The following PCDHA4 variants were observed in gnomAD, a reference collection of about 807,000 sequenced individuals.
PCDHA4 encodes protocadherin alpha 4, also known as protocadherin alpha-4.
PCDHA4 carries 49 observed loss-of-function variants against 61.4 expected under a neutral mutation model. The observed-to-expected ratio is 0.80, with a 90% CI of 0.63 to 1.01. The LOEUF is 1.01. Ranked by LOEUF, PCDHA4 falls within the 50% of genes least tolerant of loss-of-function variation. The probability of loss-of-function intolerance (pLI) is 0.00; values close to 1 mark genes in which losing one functional copy is unlikely to be tolerated. For missense variants in PCDHA4, 1,254 were observed against 1,235.8 expected, an observed-to-expected ratio of 1.01 and a Z score of -0.22; for synonymous variants, 590 against 550.3, an observed-to-expected ratio of 1.07 and a Z score of -1.01.
At chr5:140,967,669 G>C in intron 1 of PCDHA4, 9 of 1,614,126 alleles carry the variant, frequency 5.6e-6, no homozygotes, top group Non-Finnish European at 7.6e-6. Flanking sequence ...GCTACACGTC[G>C]GACCGGGAGA....
chr5:140,875,525 T>C, intron 1 of PCDHA4: 1 of 1,614,132 alleles, frequency 6.2e-7, no homozygotes, highest in Non-Finnish European at 8.5e-7. Flanking sequence ...CTGCTCTCGC[T>C]TCTGCTCCTT....
In PCDHA4 at chr5:140,807,544, G is replaced by A. The variant is rs1763960180; in HGVS notation, c.357G>A (p.Val119=). ...IVDRPLQVFH[V]DVEVRDINDN... ...ACAGGCCGCTGCAGGTTTTCCATGT[G>A]GACGTGGAGGTGAGGGACATTAACG... The change falls in exon 1 of 4, where the codon GTG becomes GTA. Residue 119 remains valine, a synonymous_variant. Transcript: ENST00000530339. 1 of 1,614,168 alleles carries A rather than the reference G, an allele frequency of 6.2e-7. No homozygotes were observed. Among genetic ancestry groups the A allele is most frequent in the Admixed American group, 1.7e-5 (1 of 60,028 alleles).
intron 1 of PCDHA4, among the ~76,000 whole-genome samples, chr5:140,945,224 T>G (rs1563213002): frequency 6.6e-6 from 1 of 152,016 alleles, no homozygotes; most frequent in Admixed American, 6.6e-5. Flanking sequence ...ATAAAAATAC[T>G]TAGGAATAAA....
At chr5:140,912,200 T>C (rs191284675) in intron 1 of PCDHA4, among the ~76,000 whole-genome samples, 123 of 152,280 alleles carry the variant, frequency 8.1e-4, no homozygotes, top group African/African-American at 2.8e-3. Flanking sequence ...CCCACCCAGA[T>C]TGAGGGTAGA....
intron 3 of PCDHA4, among the ~76,000 whole-genome samples, chr5:141,000,412 TATATA>T (rs2097919858): frequency 7.8e-5 from 8 of 102,770 alleles, no homozygotes; most frequent in African/African-American, 2.3e-4. Flanking sequence ...TATATATATA[TATATA>T]TATATTTTTT....
At chr5:140,830,188 C>A (rs2150182568) in intron 1 of PCDHA4, 2 of 1,613,672 alleles carry the variant, frequency 1.2e-6, no homozygotes, top group Non-Finnish European at 1.7e-6. Context: ...TCAACGTGTA[C>A]CTGATCATCG....
intron 3 of PCDHA4, among the ~76,000 whole-genome samples, chr5:140,985,009 C>T (rs567801905): frequency 9.3e-4 from 141 of 152,162 alleles, no homozygotes; most frequent in African/African-American, 3.3e-3. Flanking sequence ...ACGATATCGG[C>T]TCACAGCAAC....
chr5:140,830,327 G>C (rs2150185000), intron 1 of PCDHA4: 1 of 1,614,032 alleles, frequency 6.2e-7, no homozygotes, highest in Non-Finnish European at 8.5e-7. Flanking sequence ...CAGCGCAGTG[G>C]GGAGCTGGTC....
chr5:140,956,186 T>C (rs1305769419), intron 1 of PCDHA4, among the ~76,000 whole-genome samples: 1 of 152,204 alleles, frequency 6.6e-6, no homozygotes, highest in Non-Finnish European at 1.5e-5. Context: ...AATACTATGC[T>C]GAATAGGAGT....
At chr5:140,969,037 C>A (rs1554231375) in intron 1 of PCDHA4, 6 of 1,614,158 alleles carry the variant, frequency 3.7e-6, no homozygotes, top group Non-Finnish European at 5.1e-6. Flanking sequence ...CAGAACTGTA[C>A]AAACAAGCCA....
At chr5:140,888,544 C>T (rs1295573540) in intron 1 of PCDHA4, among the ~76,000 whole-genome samples, 1 of 152,140 alleles carries the variant, frequency 6.6e-6, no homozygotes, top group Non-Finnish European at 1.5e-5. Flanking sequence ...TGCTCAGTAC[C>T]AATTTATTCC....
chr5:140,811,002 TTTC>T (rs1554125632), intron 1 of PCDHA4: 1 of 152,192 alleles, frequency 6.6e-6, no homozygotes, highest in African/African-American at 2.4e-5. Context: ...TTTATTTTTA[TTTC>T]TTCTTATTAT....
intron 1 of PCDHA4, chr5:140,859,549 C>A (rs958434264): frequency 5.0e-5 from 9 of 181,676 alleles, no homozygotes; most frequent in Non-Finnish European, 9.0e-5. Context: ...CTAGTGTTAC[C>A]AAACACCAAT....
intron 1 of PCDHA4, chr5:140,870,486 G>C (rs1318169830): frequency 5.0e-6 from 8 of 1,614,136 alleles, no homozygotes; most frequent in South Asian, 1.1e-5. Context: ...AGTACACCGT[G>C]TTCGTGAAGG....
intron 1 of PCDHA4, among the ~76,000 whole-genome samples, chr5:140,889,476 C>G (rs2062241146): frequency 6.6e-6 from 1 of 152,054 alleles, no homozygotes; most frequent in South Asian, 2.1e-4. Flanking sequence ...TATGCTCATA[C>G]TTTCTACAGA....
intron 1 of PCDHA4, among the ~76,000 whole-genome samples, chr5:140,951,653 C>T (rs2094610729): frequency 6.6e-6 from 1 of 152,176 alleles, no homozygotes; most frequent in South Asian, 2.1e-4. Context: ...TCACCTCCCA[C>T]CAGGGCCTGC....
chr5:140,809,587 TC>T lies in PCDHA4; in HGVS notation c.2385+17del, dbSNP rs782699419. The T allele has an allele frequency of 5.2e-6, 8 of 1,541,010 alleles. No homozygotes were observed. The African/African-American group carries it at 1.1e-4, about 21-fold the overall frequency. ...CCTTTGCAAAGGTTAGTGTATAACA[TC>T]CTTTTGTTTAATTTTCGTATTGTTT... On this transcript the variant is annotated intron_variant, in intron 1 of 3. Coordinates refer to ENST00000530339, the MANE Select transcript of PCDHA4 (RefSeq NM_018907.4).
intron 1 of PCDHA4, chr5:140,834,797 GA>G (rs2150227028): frequency 1.2e-6 from 2 of 1,613,022 alleles, no homozygotes; most frequent in South Asian, 2.2e-5. Flanking sequence ...CGACACAAAG[GA>G]ATCTGTTCAT....
chr5:140,815,351 T>A (rs2126663631), intron 1 of PCDHA4: 1 of 152,224 alleles, frequency 6.6e-6, no homozygotes, highest in South Asian at 2.1e-4. Flanking sequence ...CTTTTGTATA[T>A]CTTCCATAGG....
Sources: gnomAD v4.1 joint callset for allele counts (sites outside exome capture counted in the v4.1 genomes callset) on GRCh38, gnomAD v4.1.1 for gene constraint, MANE v1.5 for transcripts, NCBI Gene and HGNC (gene_info 2026-07-23, HGNC 2026-07-21) for gene names.